Variants in JAK2 observed in about 807,000 individuals in gnomAD.
JAK2 encodes the protein tyrosine-protein kinase JAK2.
In JAK2, 86 loss-of-function variants were observed where a neutral mutation model predicts 139.3. That is an observed-to-expected ratio of 0.62 (90% confidence interval 0.52 to 0.74). The LOEUF (loss-of-function observed/expected upper bound fraction) is 0.74, where lower values mean the gene tolerates loss of function less well. Ranked by LOEUF, JAK2 falls within the 30% of genes least tolerant of loss-of-function variation. JAK2 has a pLI of 0.00. For missense variants in JAK2, 1,421 were observed against 1,360.3 expected (o/e 1.04, Z -0.70); for synonymous variants, 490 against 437.7 (o/e 1.12, Z -1.49).
At chr9:5,032,950 G>C (rs1823279545) in intron 4 of JAK2, among the ~76,000 whole-genome samples, 1 of 152,178 alleles carries the variant, frequency 6.6e-6, no homozygotes. Flanking sequence ...ACTACTCCAA[G>C]CTAAAGGAGG....
chr9:5,010,330 C>CT (rs954103463), intron 2 of JAK2, among the ~76,000 whole-genome samples: 114 of 144,420 alleles, frequency 7.9e-4, no homozygotes, highest in South Asian at 3.7e-3. Flanking sequence ...TGTCAGTTGT[C>CT]TTTTTTTTTT....
At chr9:5,124,154 C>T (rs1823822293) in intron 23 of JAK2, among the ~76,000 whole-genome samples, 1 of 151,806 alleles carries the variant, frequency 6.6e-6, no homozygotes, top group Admixed American at 6.6e-5. Context: ...TCCGATTATG[C>T]AGGTTTTCTG....
intron 22 of JAK2, chr9:5,100,494 A>C (rs1478300161): frequency 6.6e-6 from 1 of 152,216 alleles, no homozygotes; most frequent in Non-Finnish European, 1.5e-5. Context: ...AATTCTATTT[A>C]TTATCTGAGA....
chr9:5,047,649 T>A (rs539955925), intron 5 of JAK2, among the ~76,000 whole-genome samples: 1 of 152,334 alleles, frequency 6.6e-6, no homozygotes, highest in Non-Finnish European at 1.5e-5. Flanking sequence ...AGGTTTTCTT[T>A]CTTATTTTAT....
At chr9:5,102,868 C>T (rs1269136225) in intron 22 of JAK2, among the ~76,000 whole-genome samples, 1 of 152,080 alleles carries the variant, frequency 6.6e-6, no homozygotes, top group Non-Finnish European at 1.5e-5. Flanking sequence ...ATTACCAGGC[C>T]TGCCTTACAA....
chr9:5,090,654 A>G, intron 21 of JAK2, 84 bp downstream of exon 21: 1 of 1,515,178 alleles, frequency 6.6e-7, no homozygotes, highest in Non-Finnish European at 8.9e-7. Context: ...GTTTTCATAG[A>G]TAATAAAGGG....
intron 22 of JAK2, chr9:5,098,523 G>A (rs1328186744): frequency 6.6e-6 from 1 of 152,086 alleles, no homozygotes; most frequent in Non-Finnish European, 1.5e-5. Context: ...CCAAGAAATT[G>A]AGACTGTTTG....
intron 22 of JAK2, among the ~76,000 whole-genome samples, chr9:5,122,269 G>C (rs1156351500): frequency 6.6e-6 from 1 of 152,048 alleles, no homozygotes; most frequent in Non-Finnish European, 1.5e-5. Context: ...CAGTCCACTA[G>C]GCCAAAACGT....
intron 19 of JAK2, chr9:5,085,672 G>A (rs897793822): frequency 2.7e-6 from 2 of 731,080 alleles, no homozygotes; most frequent in Middle Eastern, 2.6e-4. Flanking sequence ...TTTCGAGAAC[G>A]TGCATTATCA....
chr9:5,022,288 T>C (rs980512819), intron 3 of JAK2, 75 bp downstream of exon 3: 2 of 893,362 alleles, frequency 2.2e-6, no homozygotes, highest in African/African-American at 3.4e-5. Context: ...ACTAGGTACA[T>C]GCATAATATA....
chr9:5,034,099 G>A lies in JAK2; in HGVS notation c.350+4193G>A, dbSNP rs141587583. ...AGGCAGGGATTGCAATCCTAGTCTC[G>A]GATAAAACAGACTTTAAACCAACAA... On this transcript the variant is annotated intron_variant, in intron 4 of 24. Transcript: ENST00000381652. Among the ~76,000 whole-genome samples, 27 of 152,038 alleles carry A rather than the reference G, an allele frequency of 1.8e-4. No homozygotes were observed. The South Asian group carries it at 1.9e-3, about 11-fold the overall frequency.
intron 22 of JAK2, among the ~76,000 whole-genome samples, chr9:5,096,014 G>A (rs946358556): frequency 1.3e-5 from 2 of 152,110 alleles, no homozygotes; most frequent in South Asian, 2.1e-4. Flanking sequence ...CTGCCTGAAT[G>A]AGTCATCATT....
intron 19 of JAK2, chr9:5,086,033 A>G (rs972660788): frequency 5.2e-6 from 4 of 775,906 alleles, no homozygotes; most frequent in Non-Finnish European, 9.4e-6. Flanking sequence ...TTGGACAGGC[A>G]GGTGTTAAAT....
Position 5,053,039 on chromosome 9 carries a change from G to T in JAK2, c.615-1524G>T, listed in dbSNP as rs150229281. Among the ~76,000 whole-genome samples, 1,358 of 152,088 alleles carry T rather than the reference G, an allele frequency of 8.9e-3. 17 individuals are homozygous for T. The highest frequency in any genetic ancestry group is 0.03 in the African/African-American group (1,233 of 41,504). The stretch of plus-strand genomic sequence containing the variant: ...AGGAGTGGAATTCCTGGAACATATG[G>T]TAACTGTTTAACTTTTTGAGGAACT... On this transcript the variant is annotated intron_variant, in intron 6 of 24. Coordinates refer to ENST00000381652, the MANE Select transcript of JAK2 (RefSeq NM_004972.4).
chr9:4,995,431 A>G (rs1417056426), intron 2 of JAK2, among the ~76,000 whole-genome samples: 1 of 152,218 alleles, frequency 6.6e-6, no homozygotes, highest in Non-Finnish European at 1.5e-5. Flanking sequence ...TCTGGAATTT[A>G]TACTGATGCA....
At chr9:4,986,738 G>C (rs1283481909) in intron 2 of JAK2, among the ~76,000 whole-genome samples, 1 of 152,016 alleles carries the variant, frequency 6.6e-6, no homozygotes, top group Admixed American at 6.5e-5. Context: ...GACATCTTGA[G>C]GATGGGACCC....
At chr9:5,073,879 G>A (rs1819137327) in intron 14 of JAK2, 94 bp downstream of exon 14, 1 of 767,778 alleles carries the variant, frequency 1.3e-6, no homozygotes, top group African/African-American at 1.7e-5. Flanking sequence ...CTAGGTGTCA[G>A]TGTAAACTAT....
chr9:5,067,559 T>C (rs1018551130), intron 10 of JAK2, among the ~76,000 whole-genome samples: 4 of 152,068 alleles, frequency 2.6e-5, no homozygotes, highest in Non-Finnish European at 5.9e-5. Context: ...TGCCATCACT[T>C]TACCTTTGTG....
At chr9:5,073,536 C>T (rs1349167520) in intron 13 of JAK2, among the ~76,000 whole-genome samples, 162 bp from the exon 14 acceptor site, 1 of 152,164 alleles carries the variant, frequency 6.6e-6, no homozygotes, top group African/African-American at 2.4e-5. Context: ...ACGTTGATGG[C>T]AGTTGCAGGT....
Sources: gnomAD v4.1 joint callset for allele counts (sites outside exome capture counted in the v4.1 genomes callset) on GRCh38, gnomAD v4.1.1 for gene constraint, MANE v1.5 for transcripts, NCBI Gene and HGNC (gene_info 2026-07-23, HGNC 2026-07-21) for gene names.